Variants in ASAP2 observed in about 807,000 individuals in gnomAD.
The protein encoded by ASAP2 is arf-GAP with SH3 domain, ANK repeat and PH domain-containing protein 2.
Under a neutral mutation model 131.4 loss-of-function variants are expected in ASAP2, and 45 were observed. The ratio of observed to expected loss-of-function variants is 0.34; its 90% CI spans 0.27 to 0.44. The LOEUF is 0.44. ASAP2 is among the 20% of genes least tolerant of loss of function. The pLI is 1.00. For synonymous variants in ASAP2, 510 were observed against 503.0 expected (o/e 1.01, Z -0.19); for missense variants, 1,011 against 1,297.0 (o/e 0.78, Z 3.39).
chr2:9,354,285 C>T (rs1572530059), intron 12 of ASAP2, among the ~76,000 whole-genome samples: 1 of 152,244 alleles, frequency 6.6e-6, no homozygotes, highest in East Asian at 1.9e-4. Flanking sequence ...ACAAGCTGCC[C>T]TTCACTGGCC....
intron 6 of ASAP2, 70 bp downstream of exon 6, chr2:9,323,320 C>G (rs1670270882): frequency 6.3e-7 from 1 of 1,585,896 alleles, no homozygotes; most frequent in African/African-American, 1.4e-5. Context: ...GTGGGAGCAT[C>G]TCACCGGTAC....
rs138569542 is a variant in ASAP2, at chr2:9,352,717, A to C, written c.1111+1822A>C. 2.6e-3 allele frequency among the ~76,000 whole-genome samples: 389 copies of C among 152,314 alleles called. 2 individuals are homozygous for C. Among genetic ancestry groups the C allele is most frequent in the African/African-American group, 9.1e-3 (377 of 41,566 alleles). On this transcript the variant is annotated intron_variant, in intron 12 of 27. Transcript: ENST00000281419. ...CAGTCCTCTGTGAATCTGGCCACAC[A>C]CAAGCTCTGTGGCCAACTGATATTT...
chr2:9,347,477 A>G (rs1672044278), intron 11 of ASAP2, among the ~76,000 whole-genome samples: 1 of 152,238 alleles, frequency 6.6e-6, no homozygotes, highest in South Asian at 2.1e-4. Flanking sequence ...GTGGAAGTCT[A>G]AGAGCAGAGC....
At chr2:9,292,838 C>T (rs980329658) in intron 2 of ASAP2, among the ~76,000 whole-genome samples, 2 of 152,212 alleles carry the variant, frequency 1.3e-5, no homozygotes, top group Non-Finnish European at 2.9e-5. Flanking sequence ...TGTTGCCGGG[C>T]TGGAAATAGT....
At chr2:9,236,471 T>A (rs1273532810) in intron 1 of ASAP2, among the ~76,000 whole-genome samples, 1 of 152,222 alleles carries the variant, frequency 6.6e-6, no homozygotes, top group Non-Finnish European at 1.5e-5. Context: ...GTGTATATTT[T>A]GATATCTTAC....
intron 1 of ASAP2, among the ~76,000 whole-genome samples, chr2:9,241,399 A>G (rs192670992): frequency 1.3e-5 from 2 of 152,270 alleles, no homozygotes; most frequent in Non-Finnish European, 2.9e-5. Flanking sequence ...TGGTGCGATT[A>G]TGAGTTCCTT....
In ASAP2 at chr2:9,309,761, G is replaced by T. The variant is rs377730857; in HGVS notation, c.346-8763G>T. Reference sequence around the variant, plus strand: ...GTATCTGCTTTACTGAGTCTAGCAAGTCTCTAGCCACATGTGACTATTGCA... The same window carrying T: ...GTATCTGCTTTACTGAGTCTAGCAATTCTCTAGCCACATGTGACTATTGCA... On this transcript the variant is annotated intron_variant, in intron 3 of 27. Transcript: ENST00000281419. Among the ~76,000 whole-genome samples the T allele has an allele frequency of 7.0e-3, 1,068 of 152,344 alleles. 13 individuals carry two copies. The highest frequency in any genetic ancestry group is 0.025 in the African/African-American group (1,029 of 41,580).
chr2:9,375,526 C>G (rs193013912), intron 17 of ASAP2, among the ~76,000 whole-genome samples: 23 of 152,338 alleles, frequency 1.5e-4, no homozygotes, highest in Non-Finnish European at 1.6e-4. Flanking sequence ...CATTACCTCA[C>G]AGGCTCATCC....
In ASAP2 at chr2:9,254,254, T is replaced by TATATATATATATATACACAC. The variant is rs1553297027; in HGVS notation, c.127-25062_127-25061insTATATATATATATACACACA. On this transcript the variant is annotated intron_variant, in intron 1 of 27. Coordinates refer to ENST00000281419, the MANE Select transcript of ASAP2 (RefSeq NM_003887.3). ...AAAAAAAAATATATATATATATATATACACGTGTGTGTGTATGCATATATA... is the reference window on the plus strand; with the variant it reads ...AAAAAAAAATATATATATATATATATATATATATATATATACACACACACGTGTGTGTGTATGCATATATA... Among the ~76,000 whole-genome samples, 75 of 65,704 alleles carry TATATATATATATATACACAC rather than the reference T, an allele frequency of 1.1e-3. 2 individuals are homozygous for TATATATATATATATACACAC. The highest frequency in any genetic ancestry group is 4.7e-3 in the African/African-American group (64 of 13,512). 43.1% of individuals were successfully genotyped at this position (65,704 alleles called of 152,430 possible).
chr2:9,278,075 A>G (rs1349612126), intron 1 of ASAP2, among the ~76,000 whole-genome samples: 1 of 152,182 alleles, frequency 6.6e-6, no homozygotes, highest in Non-Finnish European at 1.5e-5. Context: ...ACATGGGGTA[A>G]TAATGGACAC....
chr2:9,242,517 GT>G (rs1664044410), intron 1 of ASAP2, among the ~76,000 whole-genome samples: 1 of 152,360 alleles, frequency 6.6e-6, no homozygotes, highest in Middle Eastern at 3.4e-3. Context: ...GGCACTTGCG[GT>G]GCCCTCAGCC....
intron 24 of ASAP2, chr2:9,399,671 C>A: frequency 3.0e-6 from 1 of 329,892 alleles, no homozygotes; most frequent in Middle Eastern, 1.0e-3. Flanking sequence ...AAGGTTCAGC[C>A]CTGCCCTTTC....
At chr2:9,358,237 T>A (rs939032555) in intron 14 of ASAP2, among the ~76,000 whole-genome samples, 2 of 152,262 alleles carry the variant, frequency 1.3e-5, no homozygotes, top group Non-Finnish European at 2.9e-5. Flanking sequence ...CTGAAGCTCT[T>A]AACAACACAA....
chr2:9,230,626 G>T (rs1572206792), intron 1 of ASAP2, among the ~76,000 whole-genome samples: 1 of 152,186 alleles, frequency 6.6e-6, no homozygotes, highest in African/African-American at 2.4e-5. Context: ...TGCTGGATGA[G>T]GTGCCTGCAT....
chr2:9,328,004 C>A, intron 7 of ASAP2, 93 bp downstream of exon 7: 1 of 878,674 alleles, frequency 1.1e-6, no homozygotes, highest in East Asian at 2.9e-5. Context: ...ATAAACACCA[C>A]TTAGAAGTCT....
intron 3 of ASAP2, among the ~76,000 whole-genome samples, chr2:9,312,304 A>G (rs553296757): frequency 6.6e-6 from 1 of 152,316 alleles, no homozygotes; most frequent in East Asian, 1.9e-4. Flanking sequence ...TTCCAAAGAG[A>G]AAAACCGTGA....
intron 1 of ASAP2, among the ~76,000 whole-genome samples, chr2:9,221,323 C>CTTTTTTTTT (rs35784307): frequency 7.6e-6 from 1 of 132,016 alleles, no homozygotes; most frequent in African/African-American, 2.8e-5. Flanking sequence ...CTTTTCTTTT[C>CTTTTTTTTT]TTTTTTTTTT....
rs1676932236 is a variant in ASAP2, at chr2:9,403,533, A to G, written c.*206A>G. The G allele has an allele frequency of 1.9e-6, 1 of 528,176 alleles. No homozygotes were observed. The highest frequency in any genetic ancestry group is 1.9e-5 in the African/African-American group (1 of 51,678). The allele number at this position is 528,176 out of a possible 1,614,324, so 32.7% of individuals were successfully genotyped here. On this transcript the variant is annotated 3_prime_UTR_variant, in exon 28 of 28. Transcript: ENST00000281419. ...TGGTTTTCATGAAACATTGCTATGC[A>G]TTTATTAGGAAAAACTGAATTTCCC... is the stretch of plus-strand genomic sequence containing the variant.
At chr2:9,356,897 TA>T (rs1034106404) in intron 14 of ASAP2, among the ~76,000 whole-genome samples, 15 of 152,154 alleles carry the variant, frequency 9.9e-5, no homozygotes, top group African/African-American at 3.4e-4. Context: ...TAAAGCATAT[TA>T]GGGGCTTTAT....
Sources: allele counts gnomAD v4.1 joint callset (sites outside exome capture counted in the v4.1 genomes callset), GRCh38; gene constraint gnomAD v4.1.1; transcripts MANE v1.5; gene names NCBI Gene and HGNC (gene_info 2026-07-23, HGNC 2026-07-21).